NALCN: variants seen among roughly 807,000 people sequenced by gnomAD.
NALCN encodes sodium leak channel, non-selective.
Under a neutral mutation model 225.3 loss-of-function variants are expected in NALCN, and 111 were observed. The observed-to-expected ratio is 0.49, with a 90% CI of 0.42 to 0.58. The LOEUF (loss-of-function observed/expected upper bound fraction) is 0.58. NALCN is among the 20% of genes least tolerant of loss of function. NALCN has a pLI of 0.00. For missense variants in NALCN, 1,378 were observed against 2,202.4 expected (o/e 0.63, Z 7.49); for synonymous variants, 764 against 769.0 (o/e 0.99, Z 0.11).
At chr13:101,212,573 A>C (rs1031431459) in intron 13 of NALCN, among the ~76,000 whole-genome samples, 2 of 152,186 alleles carry the variant, frequency 1.3e-5, no homozygotes, top group African/African-American at 4.8e-5. Flanking sequence ...AGAATTATGA[A>C]TGAAAAACCA....
chr13:101,169,952 T>C (rs1016314817), intron 15 of NALCN, among the ~76,000 whole-genome samples: 14 of 152,316 alleles, frequency 9.2e-5, no homozygotes, highest in South Asian at 2.1e-4. Context: ...GCTGAGAAGA[T>C]TGAAGATTCA....
chr13:101,268,562 G>T (rs2042672698), intron 10 of NALCN, among the ~76,000 whole-genome samples: 1 of 152,038 alleles, frequency 6.6e-6, no homozygotes, highest in Non-Finnish European at 1.5e-5. Flanking sequence ...GTCCTTTTCT[G>T]CTGTTTAGAG....
chr13:101,178,922 C>A (rs2039076260), intron 14 of NALCN, among the ~76,000 whole-genome samples: 1 of 152,138 alleles, frequency 6.6e-6, no homozygotes. Flanking sequence ...TAAAACTGGG[C>A]TCTCTCTCCT....
intron 11 of NALCN, among the ~76,000 whole-genome samples, chr13:101,255,131 T>C (rs1294742799): frequency 6.6e-6 from 1 of 152,096 alleles, no homozygotes; most frequent in Non-Finnish European, 1.5e-5. Context: ...CCTGTCTGTC[T>C]GTTGTTGAGG....
intron 9 of NALCN, among the ~76,000 whole-genome samples, chr13:101,288,819 G>A (rs1053251126): frequency 2.0e-5 from 3 of 152,230 alleles, no homozygotes; most frequent in Non-Finnish European, 4.4e-5. Context: ...TAACAGAAAA[G>A]TAGCCTTGTG....
chr13:101,223,085 T>A (rs9513870), intron 13 of NALCN, among the ~76,000 whole-genome samples: 41,086 of 152,024 alleles, frequency 0.27, 6,581 homozygotes, highest in Non-Finnish European at 0.37. Context: ...AACTGATTCA[T>A]ACAAAACAAA....
chr13:101,109,709 A>G (rs1334197652), intron 20 of NALCN, among the ~76,000 whole-genome samples: 2 of 152,012 alleles, frequency 1.3e-5, no homozygotes, highest in African/African-American at 4.8e-5. Context: ...CAAACCTTTC[A>G]TTGTAATCTT....
Position 101,134,990 on chromosome 13 carries a change from C to G in NALCN, c.2118+8090G>C, listed in dbSNP as rs1151388. ...CGGGTGGATCACGAGGTCAGGAAATCGAGACCATCCTGGCTAACACGGTGA... is the reference window on the plus strand; with the variant it reads ...CGGGTGGATCACGAGGTCAGGAAATGGAGACCATCCTGGCTAACACGGTGA... On this transcript the variant is annotated intron_variant, in intron 17 of 43. Transcript: ENST00000251127. Among the ~76,000 whole-genome samples, 1,424 of 152,148 alleles carry G rather than the reference C, an allele frequency of 9.4e-3. 22 individuals carry two copies. The highest frequency in any genetic ancestry group is 0.032 in the African/African-American group (1,321 of 41,538).
chr13:101,199,037 A>G (rs1166854491), intron 13 of NALCN, among the ~76,000 whole-genome samples: 1 of 151,974 alleles, frequency 6.6e-6, no homozygotes, highest in Non-Finnish European at 1.5e-5. Context: ...AACTATCACA[A>G]GGACAAAAGT....
At chr13:101,400,566 TGTGTGTGTGTGTGTGCAC>T (rs1044408996) in intron 1 of NALCN, among the ~76,000 whole-genome samples, 1 of 130,886 alleles carries the variant, frequency 7.6e-6, no homozygotes, top group Non-Finnish European at 1.6e-5. Flanking sequence ...TGTGTGTGTG[TGTGTGTGTGTGTGTGCAC>T]GTGTGTGCGC....
At chr13:101,401,115 A>T (rs973418489) in intron 1 of NALCN, among the ~76,000 whole-genome samples, 3 of 152,188 alleles carry the variant, frequency 2.0e-5, no homozygotes, top group Non-Finnish European at 4.4e-5. Flanking sequence ...CTATTCCCAG[A>T]AGAAAACAAG....
intron 15 of NALCN, among the ~76,000 whole-genome samples, chr13:101,153,413 A>G (rs2037748801): frequency 6.6e-6 from 1 of 152,176 alleles, no homozygotes; most frequent in Non-Finnish European, 1.5e-5. Flanking sequence ...GAGACAACTC[A>G]ACCTCTCCCT....
intron 17 of NALCN, among the ~76,000 whole-genome samples, chr13:101,138,818 A>G (rs1397641547): frequency 6.6e-6 from 1 of 152,140 alleles, no homozygotes; most frequent in East Asian, 1.9e-4. Flanking sequence ...GCTTAAGGAA[A>G]CTAGAGTTTA....
At chr13:101,415,728 A>G (rs969407460) in intron 1 of NALCN, among the ~76,000 whole-genome samples, 1 of 152,214 alleles carries the variant, frequency 6.6e-6, no homozygotes, top group Non-Finnish European at 1.5e-5. Flanking sequence ...GACATTTAGC[A>G]AGGAGCAATC....
intron 12 of NALCN, among the ~76,000 whole-genome samples, chr13:101,231,482 A>G (rs191511756): frequency 1.7e-4 from 26 of 152,352 alleles, no homozygotes; most frequent in African/African-American, 6.3e-4. Context: ...TGTGAAAAAT[A>G]CAACTTTTCA....
intron 7 of NALCN, among the ~76,000 whole-genome samples, chr13:101,305,861 G>A (rs560250512): frequency 6.6e-6 from 1 of 152,336 alleles, no homozygotes; most frequent in Non-Finnish European, 1.5e-5. Context: ...CTGGGCCAGT[G>A]CCTGGCAGAT....
intron 17 of NALCN, among the ~76,000 whole-genome samples, chr13:101,136,784 T>C (rs1042206015): frequency 2.0e-5 from 3 of 152,228 alleles, no homozygotes; most frequent in African/African-American, 4.8e-5. Flanking sequence ...TGTGTCTTTA[T>C]AGCAGCATGA....
chr13:101,270,130 T>C (rs2042727334), intron 10 of NALCN, among the ~76,000 whole-genome samples: 1 of 152,228 alleles, frequency 6.6e-6, no homozygotes, highest in African/African-American at 2.4e-5. Flanking sequence ...TTTTTCTCAC[T>C]AGTACTCCGC....
rs2046108066 is a variant in NALCN, at chr13:101,357,828, C to G, written c.645-12408G>C. 3.3e-5 allele frequency among the ~76,000 whole-genome samples: 5 copies of G among 152,038 alleles called. No homozygotes were observed. In the South Asian group the frequency reaches 1.0e-3, roughly 32 times the overall value. ...AACCAAAACAGCATGGCACTGGTACCAAAACAGCCATATAGACCAATGGAA... is the reference window on the plus strand; with the variant it reads ...AACCAAAACAGCATGGCACTGGTACGAAAACAGCCATATAGACCAATGGAA... On this transcript the variant is annotated intron_variant, in intron 6 of 43. Coordinates refer to ENST00000251127, the MANE Select transcript of NALCN (RefSeq NM_052867.4).
Sources: gnomAD v4.1 joint callset for allele counts (sites outside exome capture counted in the v4.1 genomes callset) on GRCh38, gnomAD v4.1.1 for gene constraint, MANE v1.5 for transcripts, NCBI Gene and HGNC (gene_info 2026-07-23, HGNC 2026-07-21) for gene names.